The following GREB1L variants were observed in gnomAD, a reference collection of about 807,000 sequenced individuals.
GREB1L encodes the protein GREB1 like retinoic acid receptor coactivator, also known as GREB1-like protein.
A neutral mutation model predicts 200.8 loss-of-function variants in GREB1L; 17 were observed. The ratio of observed to expected loss-of-function variants is 0.08; its 90% CI spans 0.06 to 0.13. GREB1L has a LOEUF of 0.13. GREB1L is among the 10% of genes least tolerant of loss of function. GREB1L has a pLI of 1.00. For synonymous variants in GREB1L, 789 were observed against 893.0 expected, an observed-to-expected ratio of 0.88 and a Z score of 2.08; for missense variants, 1,657 against 2,367.7, an observed-to-expected ratio of 0.70 and a Z score of 6.23.
chr18:21,469,787 T>C (rs930349204), intron 15 of GREB1L, among the ~76,000 whole-genome samples: 1 of 152,180 alleles, frequency 6.6e-6, no homozygotes, highest in African/African-American at 2.4e-5. Context: ...ATCTACAATA[T>C]ATTCACTTCT....
chr18:21,461,799 A>G (rs2035058163), intron 15 of GREB1L, among the ~76,000 whole-genome samples: 1 of 152,268 alleles, frequency 6.6e-6, no homozygotes, highest in Non-Finnish European at 1.5e-5. Flanking sequence ...TTGCTGAACA[A>G]ATATTCAACA....
chr18:21,415,314 A>G (rs2031518670), intron 7 of GREB1L, among the ~76,000 whole-genome samples: 2 of 152,196 alleles, frequency 1.3e-5, no homozygotes, highest in South Asian at 4.1e-4. Flanking sequence ...CAGGAGTTTG[A>G]GACCAGCCTG....
Position 21,451,145 on chromosome 18 carries a change from TC to T in GREB1L, c.1844del (p.Ser615TyrfsTer2), listed in dbSNP as rs1598862527. On this transcript the variant is annotated frameshift_variant, in exon 13 of 33. Coordinates refer to ENST00000424526, the MANE Select transcript of GREB1L (RefSeq NM_001142966.3). LOFTEE classifies it high-confidence loss of function. ...SFLASHFKTT[S>X]LGDDLDKLLE... is the part of the protein sequence containing the mutation. ...CCTGGCATCACATTTCAAAACCACA[TC>T]ATTAGGTGAGTGGTTGTAAGATTTG... is the stretch of plus-strand genomic sequence containing the variant. The T allele has an allele frequency of 3.9e-6, 6 of 1,551,570 alleles. No homozygotes were observed. Among genetic ancestry groups the T allele is most frequent in the Non-Finnish European group, 5.2e-6 (6 of 1,146,884 alleles).
chr18:21,419,698 T>C (rs1237596265), intron 7 of GREB1L, among the ~76,000 whole-genome samples: 1 of 152,180 alleles, frequency 6.6e-6, no homozygotes, highest in African/African-American at 2.4e-5. Flanking sequence ...ATCCACCTGC[T>C]TTGGCTTCCC....
intron 7 of GREB1L, among the ~76,000 whole-genome samples, chr18:21,434,219 A>G (rs2033361138): frequency 6.6e-6 from 1 of 152,176 alleles, no homozygotes; most frequent in Non-Finnish European, 1.5e-5. Flanking sequence ...TCACACCTGT[A>G]ATCCCAGCAC....
At chr18:21,418,447 A>G (rs1598798994) in intron 7 of GREB1L, among the ~76,000 whole-genome samples, 1 of 152,076 alleles carries the variant, frequency 6.6e-6, no homozygotes, top group Non-Finnish European at 1.5e-5. Context: ...TAATTGTTAT[A>G]CTGTATTGGG....
chr18:21,291,701 C>T (rs1417889287), intron 1 of GREB1L, among the ~76,000 whole-genome samples: 2 of 152,148 alleles, frequency 1.3e-5, no homozygotes, highest in African/African-American at 4.8e-5. Context: ...GAAGGTGGTT[C>T]CCCAAGACTT....
chr18:21,489,021 A>C (rs1214077347), intron 18 of GREB1L, among the ~76,000 whole-genome samples: 6 of 152,222 alleles, frequency 3.9e-5, no homozygotes, highest in African/African-American at 1.4e-4. Flanking sequence ...CAGTGTGCTC[A>C]GGGTAGCCAA....
chr18:21,330,073 G>A (rs2039085887), intron 1 of GREB1L, among the ~76,000 whole-genome samples: 1 of 151,202 alleles, frequency 6.6e-6, no homozygotes, highest in Non-Finnish European at 1.5e-5. Context: ...CCATAATTAA[G>A]CCAGTTCTTA....
intron 15 of GREB1L, among the ~76,000 whole-genome samples, chr18:21,455,627 G>A (rs1302275987): frequency 2.0e-5 from 3 of 150,430 alleles, no homozygotes; most frequent in African/African-American, 7.3e-5. Flanking sequence ...AGGCTGTGGT[G>A]AACCAAGACA....
At chr18:21,377,530 C>T (rs1340347957) in intron 2 of GREB1L, among the ~76,000 whole-genome samples, 7 of 152,084 alleles carry the variant, frequency 4.6e-5, no homozygotes, top group African/African-American at 7.2e-5. Flanking sequence ...AATCCCAGTA[C>T]TCTGGGAGGC....
intron 4 of GREB1L, among the ~76,000 whole-genome samples, chr18:21,385,600 T>C (rs551344425): frequency 5.3e-5 from 8 of 152,336 alleles, no homozygotes; most frequent in Admixed American, 3.9e-4. Flanking sequence ...ATGGATTTAT[T>C]CATTATTGAC....
At chr18:21,281,986 T>C (rs1270983524) in intron 1 of GREB1L, among the ~76,000 whole-genome samples, 4 of 152,168 alleles carry the variant, frequency 2.6e-5, no homozygotes, top group Non-Finnish European at 5.9e-5. Context: ...AAAAATTTAT[T>C]GTGTGGCTAG....
chr18:21,507,063 A>G (rs955607356), intron 25 of GREB1L, among the ~76,000 whole-genome samples: 7 of 152,226 alleles, frequency 4.6e-5, no homozygotes, highest in African/African-American at 1.7e-4. Flanking sequence ...TAGAAAGGAT[A>G]TACTTTAAAA....
At chr18:21,358,132 GTTTT>G (rs1246059731) in intron 1 of GREB1L, among the ~76,000 whole-genome samples, 1 of 151,936 alleles carries the variant, frequency 6.6e-6, no homozygotes, top group Non-Finnish European at 1.5e-5. Flanking sequence ...TTCAATTAAT[GTTTT>G]ATAGTTTTCA....
intron 1 of GREB1L, among the ~76,000 whole-genome samples, chr18:21,318,919 G>A (rs1384921813): frequency 6.6e-6 from 1 of 152,170 alleles, no homozygotes; most frequent in Admixed American, 6.5e-5. Context: ...GGAACTTTGT[G>A]GAAGCTGAGT....
chr18:21,421,834 A>AT (rs930123012), intron 7 of GREB1L, among the ~76,000 whole-genome samples: 1 of 152,124 alleles, frequency 6.6e-6, no homozygotes, highest in African/African-American at 2.4e-5. Context: ...GTTTTGGAAG[A>AT]TTTTTTCCCC....
At chr18:21,257,013 A>G (rs2037809552) in intron 1 of GREB1L, among the ~76,000 whole-genome samples, 1 of 150,824 alleles carries the variant, frequency 6.6e-6, no homozygotes, top group Admixed American at 6.6e-5. Context: ...TCAAAAAAAA[A>G]AAAAAAAAAA....
chr18:21,322,472 G>C (rs1372657403), intron 1 of GREB1L, among the ~76,000 whole-genome samples: 1 of 152,026 alleles, frequency 6.6e-6, no homozygotes. Context: ...TCTTGGATAA[G>C]AAGCTCCTAA....
Sources: allele counts gnomAD v4.1 joint callset (sites outside exome capture counted in the v4.1 genomes callset), GRCh38; gene constraint gnomAD v4.1.1; transcripts MANE v1.5; gene names NCBI Gene and HGNC (gene_info 2026-07-23, HGNC 2026-07-21).